Variants in GORASP2 observed in about 807,000 individuals in gnomAD.
The protein encoded by GORASP2 is golgi reassembly stacking protein 2, also known as Golgi reassembly-stacking protein 2.
GORASP2 carries 22 observed loss-of-function variants against 45.7 expected under a neutral mutation model. That is an observed-to-expected ratio of 0.48 (90% CI 0.34 to 0.69). The LOEUF is 0.69. GORASP2 is among the 30% of genes least tolerant of loss of function. GORASP2 has a pLI of 0.01. For missense variants in GORASP2, 491 were observed against 562.7 expected (o/e 0.87, Z 1.29); for synonymous variants, 221 against 215.6 (o/e 1.02, Z -0.22).
rs550954611 is a variant in GORASP2, at chr2:170,946,905, A to C, written c.64-1445A>C. Among the ~76,000 whole-genome samples, 25 of 152,214 alleles carry C rather than the reference A, an allele frequency of 1.6e-4. 3 individuals are homozygous for C. Among genetic ancestry groups the C allele is most frequent in the African/African-American group, 5.5e-4 (23 of 41,522 alleles). The stretch of plus-strand genomic sequence containing the variant: ...CAGTAAGCCGAGATTGTGTCACTGC[A>C]CTCCAGCCTAGGCAACAGAGCAAGA... On this transcript the variant is annotated intron_variant, in intron 1 of 9. Coordinates refer to ENST00000234160, the MANE Select transcript of GORASP2 (RefSeq NM_015530.5).
chr2:170,959,038 G>T (rs1391776524), intron 7 of GORASP2, among the ~76,000 whole-genome samples: 1 of 151,428 alleles, frequency 6.6e-6, no homozygotes, highest in Admixed American at 6.6e-5. Flanking sequence ...TCAGCTCACT[G>T]CAACCTCCGC....
intron 7 of GORASP2, among the ~76,000 whole-genome samples, chr2:170,960,395 C>T (rs892503145): frequency 4.6e-5 from 7 of 152,186 alleles, no homozygotes; most frequent in African/African-American, 1.4e-4. Context: ...TCACAGACCC[C>T]CTGAAGCCCA....
intron 1 of GORASP2, among the ~76,000 whole-genome samples, chr2:170,943,910 A>G (rs1055551195): frequency 1.1e-4 from 17 of 152,158 alleles, no homozygotes; most frequent in African/African-American, 4.1e-4. Flanking sequence ...TCCTAGCCTC[A>G]GGAGATCCTC....
chr2:170,949,869 C>T (rs1704260769), intron 3 of GORASP2, 127 bp downstream of exon 3: 5 of 784,128 alleles, frequency 6.4e-6, no homozygotes, highest in South Asian at 5.1e-5. Context: ...TGCCAAAAAT[C>T]AGCGTTCATT....
In GORASP2 at chr2:170,966,893, C is replaced by G. The variant is rs971880120; in HGVS notation, c.*763C>G. ...TAGCTATACTGGGAAAGCATAGATA[C>G]AGCAATAAAGTACAGTAATTTTACT... On this transcript the variant is annotated 3_prime_UTR_variant, in exon 10 of 10. Transcript: ENST00000234160. 6.6e-6 allele frequency: 1 copy of G among 152,376 alleles called. No homozygotes were observed. The highest frequency in any genetic ancestry group is 1.5e-5 in the Non-Finnish European group (1 of 68,060). The allele number at this position is 152,376 out of a possible 1,614,324, so 9.4% of individuals were successfully genotyped here.
rs906175329 is a variant in GORASP2 at position 170,966,397 on chromosome 2, C to G, written c.*267C>G. 16 of 507,012 alleles carry G rather than the reference C, an allele frequency of 3.2e-5. No homozygotes were observed. The highest frequency in any genetic ancestry group is 1.1e-4 in the Admixed American group (3 of 28,134). The allele number at this position is 507,012 out of a possible 1,614,324, so 31.4% of individuals were successfully genotyped here. A position where few individuals can be genotyped will look rare whatever the true frequency, so the allele number is the denominator to read the frequency against. ...TGGCTTGCTGCCAGGCTTGCACTGCCGTTCCTGGGGGTGTGCATCTTCGGG... is the reference window on the plus strand; with the variant it reads ...TGGCTTGCTGCCAGGCTTGCACTGCGGTTCCTGGGGGTGTGCATCTTCGGG... On this transcript the variant is annotated 3_prime_UTR_variant, in exon 10 of 10. Transcript: ENST00000234160.
intron 1 of GORASP2, among the ~76,000 whole-genome samples, chr2:170,933,677 A>G (rs1395874463): frequency 6.8e-6 from 1 of 147,398 alleles, no homozygotes; most frequent in Non-Finnish European, 1.5e-5. Flanking sequence ...TCTGCTTTTA[A>G]ATTAAAATAT....
chr2:170,930,106 G>A (rs1389321636), intron 1 of GORASP2, among the ~76,000 whole-genome samples: 1 of 152,188 alleles, frequency 6.6e-6, no homozygotes, highest in African/African-American at 2.4e-5. Context: ...ATCCACAGTG[G>A]TAAAGAGGTA....
chr2:170,951,453 A>G lies in GORASP2; in HGVS notation c.561A>G (p.Glu187=), dbSNP rs369902273. 1 of 1,606,470 alleles carries G rather than the reference A, an allele frequency of 6.2e-7. No homozygotes were observed. Among genetic ancestry groups the G allele is most frequent in the South Asian group, 1.1e-5 (1 of 89,670 alleles). ...CACCAAATTCTGCATGGGGTGGAGA[A>G]GGCAGGTAAGGTCATTTTTTAGACT... ...IITPNSAWGG[E]GSLGCGIGYG... The change falls in exon 5 of 10, where the codon GAA becomes GAG. Residue 187 remains glutamate (E), a synonymous_variant. Coordinates refer to ENST00000234160, the MANE Select transcript of GORASP2 (RefSeq NM_015530.5).
chr2:170,966,377 T>C lies in GORASP2; in HGVS notation c.*247T>C, dbSNP rs951718513. 5.6e-6 allele frequency: 3 copies of C among 538,682 alleles called. No homozygotes were observed. The highest frequency in any genetic ancestry group is 3.4e-5 in the Admixed American group (1 of 29,816). 33.4% of individuals were successfully genotyped at this position (538,682 alleles called of 1,614,324 possible). ...ACCAAAAAGAATTGTAAGGGTGGCT[T>C]GCTGCCAGGCTTGCACTGCCGTTCC... is the stretch of plus-strand genomic sequence containing the variant. On this transcript the variant is annotated 3_prime_UTR_variant, in exon 10 of 10. Coordinates refer to ENST00000234160, the MANE Select transcript of GORASP2 (RefSeq NM_015530.5).
At chr2:170,958,428 A>G (rs1704477415) in intron 7 of GORASP2, among the ~76,000 whole-genome samples, 1 of 152,214 alleles carries the variant, frequency 6.6e-6, no homozygotes. Flanking sequence ...TAATGTCATC[A>G]GTCTCTAATC....
chr2:170,955,132 C>T (rs1390547969), intron 6 of GORASP2, among the ~76,000 whole-genome samples: 2 of 151,960 alleles, frequency 1.3e-5, no homozygotes, highest in South Asian at 2.1e-4. Flanking sequence ...GGAAGCTCAG[C>T]AGGAGGCCAG....
chr2:170,945,711 A>G (rs1169684173), intron 1 of GORASP2, among the ~76,000 whole-genome samples: 1 of 152,204 alleles, frequency 6.6e-6, no homozygotes, highest in Non-Finnish European at 1.5e-5. Flanking sequence ...ATCAAGTTTT[A>G]CTTCTTCTGA....
chr2:170,930,468 G>T (rs900098068), intron 1 of GORASP2, among the ~76,000 whole-genome samples: 1 of 152,170 alleles, frequency 6.6e-6, no homozygotes, highest in African/African-American at 2.4e-5. Context: ...GCACTTCCTG[G>T]TGCTACCTTC....
intron 1 of GORASP2, among the ~76,000 whole-genome samples, chr2:170,934,256 T>TTTTTTG (rs1703893402): frequency 2.0e-5 from 3 of 150,706 alleles, no homozygotes; most frequent in Non-Finnish European, 4.4e-5. Context: ...TGTTTTTTTT[T>TTTTTTG]TTGTTGTTGT....
chr2:170,953,094 G>A (rs949367849), intron 5 of GORASP2, among the ~76,000 whole-genome samples: 2 of 152,132 alleles, frequency 1.3e-5, no homozygotes, highest in East Asian at 1.9e-4. Context: ...GGTGGCTCAC[G>A]CCTGTAGTAC....
chr2:170,940,541 AG>A (rs1704050947), intron 1 of GORASP2, among the ~76,000 whole-genome samples: 1 of 151,760 alleles, frequency 6.6e-6, no homozygotes, highest in Admixed American at 6.6e-5. Flanking sequence ...AGCAATAGTT[AG>A]GTCTGTGTGT....
chr2:170,963,461 T>TCCG (rs1704615702), intron 9 of GORASP2, among the ~76,000 whole-genome samples: 1 of 125,360 alleles, frequency 8.0e-6, no homozygotes, highest in African/African-American at 3.2e-5. Flanking sequence ...CTCCTCCTCC[T>TCCG]CCTCCTCCTC....
At chr2:170,934,383 C>A (rs1423530723) in intron 1 of GORASP2, among the ~76,000 whole-genome samples, 1 of 151,818 alleles carries the variant, frequency 6.6e-6, no homozygotes, top group Non-Finnish European at 1.5e-5. Flanking sequence ...CCTCAGCCTC[C>A]CAAGTAGCTG....
Sources: gnomAD v4.1 joint callset for allele counts (sites outside exome capture counted in the v4.1 genomes callset) on GRCh38, gnomAD v4.1.1 for gene constraint, MANE v1.5 for transcripts, NCBI Gene and HGNC (gene_info 2026-07-23, HGNC 2026-07-21) for gene names.